ERBB4: variants seen among roughly 807,000 people sequenced by gnomAD.
ERBB4 encodes the protein erb-b2 receptor tyrosine kinase 4.
Under a neutral mutation model 158.0 loss-of-function variants are expected in ERBB4, and 42 were observed. The observed-to-expected ratio is 0.27, with a 90% CI of 0.21 to 0.34. ERBB4 has a LOEUF of 0.34. ERBB4 is among the 10% of genes least tolerant of loss of function. The probability of loss-of-function intolerance (pLI) is 1.00; values close to 1 mark genes in which losing one functional copy is unlikely to be tolerated. For synonymous variants in ERBB4, 583 were observed against 558.7 expected, an observed-to-expected ratio of 1.04 and a Z score of -0.61; for missense variants, 1,333 against 1,624.1, an observed-to-expected ratio of 0.82 and a Z score of 3.08.
intron 1 of ERBB4, among the ~76,000 whole-genome samples, chr2:212,267,368 A>AT (rs1436072221): frequency 2.0e-5 from 3 of 151,934 alleles, no homozygotes; most frequent in African/African-American, 7.2e-5. Context: ...AGGCTCATAG[A>AT]TAAAAAAAGA....
At chr2:212,146,102 C>A (rs539485357) in intron 1 of ERBB4, among the ~76,000 whole-genome samples, 2 of 152,286 alleles carry the variant, frequency 1.3e-5, no homozygotes, top group South Asian at 4.1e-4. Context: ...CCATATTATC[C>A]TGGCATCTTG....
chr2:211,562,183 A>G (rs1299752891), intron 19 of ERBB4, 95 bp from the exon 20 acceptor site: 4 of 1,014,276 alleles, frequency 3.9e-6, no homozygotes, highest in Non-Finnish European at 6.1e-6. Flanking sequence ...GATTTTTAAA[A>G]ATGTACTCTT....
At chr2:211,633,391 T>A (rs2070220847) in intron 16 of ERBB4, among the ~76,000 whole-genome samples, 1 of 151,686 alleles carries the variant, frequency 6.6e-6, no homozygotes, top group Non-Finnish European at 1.5e-5. Context: ...GATGCATAGA[T>A]CTGGAATAAT....
chr2:211,786,002 A>T (rs1160209648), intron 4 of ERBB4, among the ~76,000 whole-genome samples: 4 of 152,200 alleles, frequency 2.6e-5, no homozygotes, highest in African/African-American at 4.8e-5. Flanking sequence ...AAAATATTAA[A>T]AATTCAGAGT....
rs2062463781 is a variant in ERBB4, at chr2:211,375,868, T to C, written c.*7747A>G. 4.3e-6 allele frequency: 1 copy of C among 232,702 alleles called. No individual in the cohort carries two copies. Among genetic ancestry groups the C allele is most frequent in the Non-Finnish European group, 8.5e-6 (1 of 117,548 alleles). The allele number at this position is 232,702 out of a possible 1,614,324, so 14.4% of individuals were successfully genotyped here. A position where few individuals can be genotyped will look rare whatever the true frequency, so the allele number is the denominator to read the frequency against. ...AGGCAAAGCAGTTCGCATTCTATAA[T>C]TGCCTTGTACAGGTACAATTCTTTC... is the stretch of plus-strand genomic sequence containing the variant. On this transcript the variant is annotated 3_prime_UTR_variant, in exon 28 of 28. Transcript: ENST00000342788.
chr2:212,133,478 T>C (rs1398203668), intron 1 of ERBB4, among the ~76,000 whole-genome samples: 1 of 151,422 alleles, frequency 6.6e-6, no homozygotes, highest in East Asian at 1.9e-4. Context: ...TACCTTTTTA[T>C]GATATGTCTC....
chr2:211,797,234 A>C (rs1235878204), intron 3 of ERBB4, among the ~76,000 whole-genome samples: 3 of 151,936 alleles, frequency 2.0e-5, no homozygotes, highest in Admixed American at 2.0e-4. Context: ...AGAACAAATC[A>C]GTAGAGTTCA....
chr2:211,635,398 A>T (rs1370123851), intron 16 of ERBB4, among the ~76,000 whole-genome samples: 2 of 152,208 alleles, frequency 1.3e-5, no homozygotes, highest in Non-Finnish European at 2.9e-5. Context: ...AATTCTACTG[A>T]CTTGAATGCA....
intron 20 of ERBB4, among the ~76,000 whole-genome samples, chr2:211,455,070 C>A (rs1459337747): frequency 2.0e-5 from 3 of 152,212 alleles, no homozygotes; most frequent in African/African-American, 4.8e-5. Flanking sequence ...TTCAACGGTG[C>A]TTCTCTGTCT....
In ERBB4 at chr2:212,309,563, A is replaced by G. The variant is rs534277494; in HGVS notation, c.83-184660T>C. Among the ~76,000 whole-genome samples the G allele has an allele frequency of 4.0e-5, 6 of 150,964 alleles. No homozygotes were observed. In the East Asian group the frequency reaches 5.9e-4, roughly 15 times the overall value. ...GTGACTGGTGAATAGCAGGCACTCAATCAGTATTTGTTATCATTCCCTAGC... is the reference window on the plus strand; with the variant it reads ...GTGACTGGTGAATAGCAGGCACTCAGTCAGTATTTGTTATCATTCCCTAGC... On this transcript the variant is annotated intron_variant, in intron 1 of 27. Transcript: ENST00000342788.
chr2:211,487,369 TA>T (rs71047177), intron 20 of ERBB4, among the ~76,000 whole-genome samples: 27 of 151,648 alleles, frequency 1.8e-4, no homozygotes, highest in Admixed American at 9.2e-4. Flanking sequence ...TTAAAATAAA[TA>T]AAAAAATAAA....
At chr2:212,151,687 G>A (rs1445564370) in intron 1 of ERBB4, among the ~76,000 whole-genome samples, 12 of 152,098 alleles carry the variant, frequency 7.9e-5, no homozygotes, top group South Asian at 4.1e-4. Context: ...TCAGGAGTTC[G>A]AGATCAGCCT....
At chr2:211,642,030 T>C (rs2105854925) in intron 16 of ERBB4, among the ~76,000 whole-genome samples, 1 of 152,220 alleles carries the variant, frequency 6.6e-6, no homozygotes, top group Non-Finnish European at 1.5e-5. Context: ...ATATTTTAAG[T>C]AATAATGAGT....
chr2:212,378,711 C>T (rs962636423), intron 1 of ERBB4, among the ~76,000 whole-genome samples: 3 of 151,808 alleles, frequency 2.0e-5, no homozygotes, highest in African/African-American at 4.8e-5. Flanking sequence ...AGTTTGGTCA[C>T]TATTAACTCA....
chr2:211,815,203 T>G (rs2076857206), intron 3 of ERBB4, among the ~76,000 whole-genome samples: 1 of 152,184 alleles, frequency 6.6e-6, no homozygotes, highest in African/African-American at 2.4e-5. Flanking sequence ...AAGTAACTCA[T>G]AGGGTTATTA....
At chr2:212,218,601 C>G (rs10048796) in intron 1 of ERBB4, among the ~76,000 whole-genome samples, 74,543 of 151,118 alleles carry the variant, frequency 0.49, 18,803 homozygotes, top group East Asian at 0.77. Flanking sequence ...GCCTTCAACA[C>G]TGTTCATCAT....
chr2:211,561,496 T>C (rs921757307), intron 20 of ERBB4, among the ~76,000 whole-genome samples: 1 of 152,194 alleles, frequency 6.6e-6, no homozygotes, highest in African/African-American at 2.4e-5. Context: ...TCATTTGTAA[T>C]AGTGAGAGTT....
chr2:212,050,589 G>A (rs1031457526), intron 2 of ERBB4, among the ~76,000 whole-genome samples: 3 of 151,962 alleles, frequency 2.0e-5, no homozygotes, highest in African/African-American at 4.8e-5. Context: ...TTTAAATGAC[G>A]TTAATGCTGT....
intron 25 of ERBB4, among the ~76,000 whole-genome samples, chr2:211,396,910 A>G (rs1024067302): frequency 6.6e-6 from 1 of 152,190 alleles, no homozygotes; most frequent in Non-Finnish European, 1.5e-5. Context: ...GCCGTAAGTA[A>G]AAAGATTTCT....
Sources: allele counts gnomAD v4.1 joint callset (sites outside exome capture counted in the v4.1 genomes callset), GRCh38; gene constraint gnomAD v4.1.1; transcripts MANE v1.5; gene names NCBI Gene and HGNC (gene_info 2026-07-23, HGNC 2026-07-21).